NRG1: variants seen among roughly 807,000 people sequenced by gnomAD.
NRG1 encodes pro-neuregulin-1, membrane-bound isoform.
A neutral mutation model predicts 63.8 loss-of-function variants in NRG1; 18 were observed. The ratio of observed to expected loss-of-function variants is 0.28; its 90% CI spans 0.19 to 0.42. The LOEUF (loss-of-function observed/expected upper bound fraction) is 0.42, where lower values mean the gene tolerates loss of function less well. Among genes scored for constraint, NRG1 ranks in the 10% least tolerant of loss-of-function variants. NRG1 has a pLI of 1.00. For synonymous variants in NRG1, 302 were observed against 301.3 expected (o/e 1.00, Z -0.02); for missense variants, 762 against 814.7 (o/e 0.94, Z 0.79).
intron 1 of NRG1, among the ~76,000 whole-genome samples, chr8:31,745,906 A>G (rs925659167): frequency 2.0e-5 from 3 of 152,058 alleles, no homozygotes; most frequent in East Asian, 1.9e-4. Context: ...ATGTTAATCA[A>G]TTGACGTTAT....
At chr8:31,793,163 A>AAATGTAAGG (rs1820877481) in intron 1 of NRG1, among the ~76,000 whole-genome samples, 2 of 152,254 alleles carry the variant, frequency 1.3e-5, no homozygotes, top group Middle Eastern at 3.4e-3. Flanking sequence ...TGTTTTTTCA[A>AAATGTAAGG]AATGTAAGGA....
In NRG1 at chr8:32,178,106, A is replaced by G. The variant is rs368329894; in HGVS notation, c.38-417722A>G. ...AAGGCCCAGAATTCTGAAAAACTCC[A>G]TGCTAAAAGACCCAGAATTCCGAAA... On this transcript the variant is annotated intron_variant, in intron 1 of 10. Coordinates refer to the NRG1 transcript ENST00000519301. Among the ~76,000 whole-genome samples, 17 of 152,292 alleles carry G rather than the reference A, an allele frequency of 1.1e-4. No homozygotes were observed. In the East Asian group the frequency reaches 2.1e-3, roughly 19 times the overall value.
intron 1 of NRG1, among the ~76,000 whole-genome samples, chr8:32,556,805 G>A (rs940302397): frequency 1.3e-5 from 2 of 152,136 alleles, no homozygotes; most frequent in African/African-American, 4.8e-5. Flanking sequence ...CCCAATTTTA[G>A]AGACTTACAT....
At chr8:31,914,857 T>C (rs1252408765) in intron 1 of NRG1, among the ~76,000 whole-genome samples, 1 of 152,078 alleles carries the variant, frequency 6.6e-6, no homozygotes, top group African/African-American at 2.4e-5. Context: ...GAAGAATTAA[T>C]AGGGTCAGAA....
At chr8:32,720,650 A>C (rs572459834) in intron 5 of NRG1, among the ~76,000 whole-genome samples, 63 of 152,290 alleles carry the variant, frequency 4.1e-4, no homozygotes, top group African/African-American at 1.4e-3. Context: ...TTGTAACTCC[A>C]TTTAGTCAAT....
chr8:32,554,930 T>TC (rs1554580904), intron 1 of NRG1, among the ~76,000 whole-genome samples: 11 of 51,288 alleles, frequency 2.1e-4, no homozygotes, highest in East Asian at 2.9e-4. Flanking sequence ...TCTCTCTCTC[T>TC]TTTTTTTTTT....
chr8:32,528,398 A>T (rs2129516533), intron 1 of NRG1, among the ~76,000 whole-genome samples: 1 of 152,328 alleles, frequency 6.6e-6, no homozygotes, highest in South Asian at 2.1e-4. Context: ...CAGTTGTTGG[A>T]CAGGATTGAA....
intron 1 of NRG1, among the ~76,000 whole-genome samples, chr8:32,132,517 C>T (rs1037643822): frequency 2.6e-5 from 4 of 151,942 alleles, no homozygotes; most frequent in Non-Finnish European, 4.4e-5. Context: ...TCTACTTGGC[C>T]CTCGACTAAA....
chr8:32,737,639 T>A (rs1382802075), intron 6 of NRG1, among the ~76,000 whole-genome samples: 1 of 151,468 alleles, frequency 6.6e-6, no homozygotes, highest in African/African-American at 2.4e-5. Context: ...AAGATTGACC[T>A]GTGCTTGCAA....
intron 1 of NRG1, among the ~76,000 whole-genome samples, chr8:32,485,058 C>T (rs1825747182): frequency 6.6e-6 from 1 of 152,124 alleles, no homozygotes; most frequent in African/African-American, 2.4e-5. Context: ...TCCTTCTTGG[C>T]TTCTCTACCT....
At chr8:32,463,488 A>G (rs1055873494) in intron 1 of NRG1, among the ~76,000 whole-genome samples, 1 of 152,162 alleles carries the variant, frequency 6.6e-6, no homozygotes, top group Non-Finnish European at 1.5e-5. Context: ...TATACGAGTC[A>G]GTGTAACTTT....
chr8:31,982,978 G>A (rs1306009499), intron 1 of NRG1, among the ~76,000 whole-genome samples: 1 of 152,058 alleles, frequency 6.6e-6, no homozygotes, highest in Non-Finnish European at 1.5e-5. Flanking sequence ...CCTCCATTAG[G>A]AGAAAGCTGT....
At chr8:31,806,685 A>G (rs1321323171) in intron 1 of NRG1, among the ~76,000 whole-genome samples, 1 of 152,200 alleles carries the variant, frequency 6.6e-6, no homozygotes, top group African/African-American at 2.4e-5. Context: ...ACCATTAATC[A>G]TATTATAAAG....
intron 1 of NRG1, among the ~76,000 whole-genome samples, chr8:32,477,361 TAC>T (rs1824657948): frequency 6.6e-6 from 1 of 152,250 alleles, no homozygotes; most frequent in African/African-American, 2.4e-5. Context: ...GCATCATCAA[TAC>T]CAATGAGCCC....
At chr8:32,405,725 C>T (rs887164763) in intron 1 of NRG1, among the ~76,000 whole-genome samples, 2 of 152,150 alleles carry the variant, frequency 1.3e-5, no homozygotes, top group African/African-American at 4.8e-5. Flanking sequence ...AGTTTACAAT[C>T]ATGAGTATTT....
Position 31,684,427 on chromosome 8 carries a change from C to T in NRG1, c.37+44996C>T, listed in dbSNP as rs1313166273. Reference sequence around the variant, plus strand: ...AAGGTGCCATCTTGGAAACAGCACTCGTCAGACATTAATTCTGCTGGGACC... The same window carrying T: ...AAGGTGCCATCTTGGAAACAGCACTTGTCAGACATTAATTCTGCTGGGACC... On this transcript the variant is annotated intron_variant, in intron 1 of 10. Transcript: ENST00000519301. Among the ~76,000 whole-genome samples the T allele has an allele frequency of 2.0e-5, 3 of 152,180 alleles. No individual in the cohort carries two copies. The East Asian group carries it at 5.8e-4, about 29-fold the overall frequency.
At chr8:32,347,245 A>G (rs1365496881) in intron 1 of NRG1, among the ~76,000 whole-genome samples, 1 of 152,122 alleles carries the variant, frequency 6.6e-6, no homozygotes, top group African/African-American at 2.4e-5. Context: ...CAAATACTGT[A>G]AGTTATTCCT....
intron 6 of NRG1, among the ~76,000 whole-genome samples, chr8:32,729,193 CATT>C (rs1564053219): frequency 1.3e-5 from 2 of 152,086 alleles, no homozygotes; most frequent in African/African-American, 4.8e-5. Context: ...TAATAGGACT[CATT>C]AAAAAGTATG....
At chr8:32,159,320 G>A (rs982936849) in intron 1 of NRG1, among the ~76,000 whole-genome samples, 2 of 151,364 alleles carry the variant, frequency 1.3e-5, no homozygotes, top group Non-Finnish European at 2.9e-5. Context: ...GGATCATGAG[G>A]TCAGGAGATC....
Sources: allele counts gnomAD v4.1 joint callset (sites outside exome capture counted in the v4.1 genomes callset), GRCh38; gene constraint gnomAD v4.1.1; transcripts MANE v1.5; gene names NCBI Gene and HGNC (gene_info 2026-07-23, HGNC 2026-07-21).